The following LYRM4 variants were observed in gnomAD, a reference collection of about 807,000 sequenced individuals.
The protein encoded by LYRM4 is LYR motif containing 4, also known as LYR motif-containing protein 4.
A neutral mutation model predicts 11.7 loss-of-function variants in LYRM4; 9 were observed. The observed-to-expected ratio is 0.77, with a 90% CI of 0.46 to 1.34. The LOEUF is 1.34. Among genes scored for constraint, LYRM4 ranks in the 40% most tolerant of loss-of-function variants. The pLI, the probability that LYRM4 is intolerant of heterozygous loss-of-function variation, is 0.00. For synonymous variants in LYRM4, 42 were observed against 40.4 expected (o/e 1.04, Z -0.15); for missense variants, 133 against 112.5 (o/e 1.18, Z -0.82).
chr6:5,249,639 TTCCTATCACAGA>T (rs1293815488), intron 1 of LYRM4, among the ~76,000 whole-genome samples: 2 of 152,238 alleles, frequency 1.3e-5, no homozygotes, highest in Non-Finnish European at 2.9e-5. Flanking sequence ...GCAACTTGCA[TTCCTATCACAGA>T]TCCCGACAAC....
rs1233063490 is a variant in LYRM4 at position 5,216,789 on chromosome 6, T to C, written c.87-51A>G. The C allele has an allele frequency of 3.2e-6, 5 of 1,571,696 alleles. No individual in the cohort carries two copies. In the African/African-American group the frequency reaches 6.9e-5, roughly 22 times the overall value. ...GAAAAGGTGTCAGCGTGTCTGAGGC[T>C]ATGCTTTCAAATGAATTTTAAAGTT... On this transcript the variant is annotated intron_variant, in intron 1 of 2. Transcript: ENST00000330636.
chr6:5,056,606 A>G, the LYRM4 span, among the ~76,000 whole-genome samples: 93 of 152,358 alleles, frequency 6.1e-4, no homozygotes, highest in African/African-American at 2.2e-3. Context: ...AATAGCAACA[A>G]TCACATTTGT....
Position 5,141,049 on chromosome 6 carries a change from G to A in LYRM4, c.208-31558C>T, listed in dbSNP as rs573956114. On this transcript the variant is annotated intron_variant, in intron 2 of 2. Transcript: ENST00000330636. ...CCTTATGGTTATAATTATTCTGGATGTTCAGCTTTTTAATCTAGTTTTCAT... is the reference window on the plus strand; with the variant it reads ...CCTTATGGTTATAATTATTCTGGATATTCAGCTTTTTAATCTAGTTTTCAT... 3.9e-5 allele frequency among the ~76,000 whole-genome samples: 6 copies of A among 152,310 alleles called. No homozygotes were observed. The South Asian group carries it at 6.2e-4, about 16-fold the overall frequency.
chr6:5,232,477 T>C (rs1763298553), intron 1 of LYRM4, among the ~76,000 whole-genome samples: 1 of 152,232 alleles, frequency 6.6e-6, no homozygotes, highest in Non-Finnish European at 1.5e-5. Flanking sequence ...GTATACTTCA[T>C]AGTAGTGCAA....
chr6:5,233,759 T>C (rs1310568478), intron 1 of LYRM4, among the ~76,000 whole-genome samples: 1 of 152,242 alleles, frequency 6.6e-6, no homozygotes, highest in African/African-American at 2.4e-5. Context: ...TACAGGCCCA[T>C]GCCACCATGC....
the LYRM4 span, among the ~76,000 whole-genome samples, chr6:5,092,707 G>T: frequency 2.7e-5 from 4 of 150,436 alleles, no homozygotes; most frequent in Non-Finnish European, 5.9e-5. Context: ...GACAGACAGA[G>T]ACTCCGTCTC....
downstream of LYRM4, among the ~76,000 whole-genome samples, chr6:5,099,383 A>G (rs1253646202): frequency 9.4e-6 from 1 of 106,204 alleles, no homozygotes; most frequent in Non-Finnish European, 1.9e-5. This position sits in a 1 kb window ranked among gnomAD's most constrained non-coding sequence, Gnocchi z 4.3. Context: ...TAAAAAAAAA[A>G]TCTATTTCTC....
At chr6:5,260,617 C>T (rs1765012849) in intron 1 of LYRM4, 31 bp downstream of exon 1, 1 of 1,491,592 alleles carries the variant, frequency 6.7e-7, no homozygotes, top group Non-Finnish European at 8.9e-7. Context: ...CCTGGCCCCC[C>T]GCCCCCGGCC....
the LYRM4 span, among the ~76,000 whole-genome samples, chr6:5,073,098 G>A: frequency 4.6e-5 from 7 of 152,194 alleles, no homozygotes; most frequent in African/African-American, 1.4e-4. Context: ...TATAGGGGCC[G>A]GACATGGTGG....
chr6:5,083,042 G>A, the LYRM4 span, among the ~76,000 whole-genome samples: 4 of 152,186 alleles, frequency 2.6e-5, no homozygotes, highest in African/African-American at 9.7e-5. Flanking sequence ...GAGCTCCCCG[G>A]GGGTGGGACC....
At chr6:5,214,212 GGA>G (rs1391250908) in intron 2 of LYRM4, among the ~76,000 whole-genome samples, 3 of 152,144 alleles carry the variant, frequency 2.0e-5, no homozygotes, top group African/African-American at 7.2e-5. Context: ...GCAGGGCAGC[GGA>G]GAGAGAGAGA....
At chr6:5,117,649 T>C (rs1293031222) in intron 2 of LYRM4, among the ~76,000 whole-genome samples, 1 of 152,134 alleles carries the variant, frequency 6.6e-6, no homozygotes. Context: ...TTCATGTAAA[T>C]GGTGTACTCT....
chr6:5,257,258 C>T (rs1333739085), intron 1 of LYRM4, among the ~76,000 whole-genome samples: 2 of 152,140 alleles, frequency 1.3e-5, no homozygotes, highest in Non-Finnish European at 2.9e-5. Context: ...ACCGCCCCCC[C>T]AACCCCATCA....
chr6:5,118,721 A>G (rs921554043), intron 2 of LYRM4, among the ~76,000 whole-genome samples: 2 of 152,230 alleles, frequency 1.3e-5, no homozygotes, highest in African/African-American at 4.8e-5. Context: ...AAAAAAAAGC[A>G]CACTGAAATA....
At chr6:5,091,209 C>T in the LYRM4 span, among the ~76,000 whole-genome samples, 4 of 152,316 alleles carry the variant, frequency 2.6e-5, no homozygotes, top group Admixed American at 6.5e-5. Flanking sequence ...GTCACTAAGG[C>T]AAGGGGCTGG....
At chr6:5,054,987 GA>G in the LYRM4 span, among the ~76,000 whole-genome samples, 2 of 152,088 alleles carry the variant, frequency 1.3e-5, no homozygotes, top group African/African-American at 4.8e-5. Flanking sequence ...GCCTTTTCTG[GA>G]GAGTCTGACA....
rs1157737297 is a variant in LYRM4, at chr6:5,245,110, AAAAATATATATATATATATAT to A, written c.86+15517_86+15537del. On this transcript the variant is annotated intron_variant, in intron 1 of 2. Transcript: ENST00000330636. ...ACCTTAAAAAAAAAAAAAAAAAAAA[AAAAATATATATATATATATAT>A]ATATATATATATATATATATATATA... 1.3e-3 allele frequency among the ~76,000 whole-genome samples: 48 copies of A among 36,924 alleles called. 1 individual carries two copies. The highest frequency in any genetic ancestry group is 5.1e-3 in the East Asian group (8 of 1,572). 24.2% of individuals were successfully genotyped at this position (36,924 alleles called of 152,430 possible).
chr6:5,245,045 C>T (rs1211680688), intron 1 of LYRM4, among the ~76,000 whole-genome samples: 3 of 128,874 alleles, frequency 2.3e-5, no homozygotes, highest in Non-Finnish European at 4.8e-5. Context: ...GACACTGATC[C>T]CAAGGACAAA....
At chr6:5,144,604 G>A (rs1757598810) in intron 2 of LYRM4, among the ~76,000 whole-genome samples, 2 of 114,480 alleles carry the variant, frequency 1.7e-5, no homozygotes, top group Non-Finnish European at 3.3e-5. Context: ...CAGCCTGGGC[G>A]ACACAGCGAG....
Sources: gnomAD v4.1 joint callset for allele counts (sites outside exome capture counted in the v4.1 genomes callset) on GRCh38, gnomAD v4.1.1 for gene constraint, Gnocchi (gnomAD v3.1) non-coding constraint, MANE v1.5 for transcripts, NCBI Gene and HGNC (gene_info 2026-07-23, HGNC 2026-07-21) for gene names.